Variants in PODN observed in about 807,000 individuals in gnomAD.
PODN encodes podocan.
PODN carries 40 observed loss-of-function variants against 52.7 expected under a neutral mutation model. That is an observed-to-expected ratio of 0.76 (90% CI 0.59 to 0.99). The LOEUF (loss-of-function observed/expected upper bound fraction) is 0.99. PODN is among the 50% of genes least tolerant of loss of function. The pLI is 0.00. For missense variants in PODN, 720 were observed against 815.1 expected, an observed-to-expected ratio of 0.88 and a Z score of 1.42; for synonymous variants, 396 against 377.9, an observed-to-expected ratio of 1.05 and a Z score of -0.56.
intron 1 of PODN, chr1:53,063,442 C>T (rs1643988927): frequency 1.0e-6 from 1 of 985,544 alleles, no homozygotes; most frequent in Non-Finnish European, 1.2e-6. Context: ...CCTGGGTGGT[C>T]CCGTCCCCTA....
At position 53,080,743 on chromosome 1, in the gene PODN, G is replaced by A. The variant is rs568413341; in HGVS notation, c.1528G>A (p.Gly510Arg). 7 of 1,613,934 alleles carry A rather than the reference G, an allele frequency of 4.3e-6. No homozygotes were observed. The highest frequency in any genetic ancestry group is 4.0e-5 in the African/African-American group (3 of 75,040). ...ACCCCTGCAGCTGCTGGACATCGCC[G>A]GGAATCAGCTCACAGAGATCCCCGA... is the stretch of plus-strand genomic sequence containing the variant. ...LAHLQLLDIA[G>R]NQLTEIPEGL... The change falls in exon 9 of 11, where the codon GGG (glycine) becomes AGG (arginine). Residue 510 changes from glycine to arginine, a missense_variant. Physicochemically the swap from Gly to Arg is moderately radical, Grantham distance 125. Transcript: ENST00000312553.
At position 53,078,953 on chromosome 1, in the gene PODN, C is replaced by T. The variant is rs376682761; in HGVS notation, c.1443C>T (p.Tyr481=). 21 of 1,584,526 alleles carry T rather than the reference C, an allele frequency of 1.3e-5. No individual in the cohort carries two copies. The East Asian group carries it at 3.7e-4, about 28-fold the overall frequency. ...LVGMAQLREL[Y]LTSNRLRSRA... ...GCATGGCTCAGCTGCGTGAGCTGTA[C>T]CTCACCAGCAACCGACTGCGCAGCC... is the stretch of plus-strand genomic sequence containing the variant. Residue 481 remains tyrosine (Y), a synonymous_variant, in exon 8 of 11, where the codon TAC becomes TAT. Coordinates refer to ENST00000312553, the MANE Select transcript of PODN (RefSeq NM_153703.5).
intron 1 of PODN, among the ~76,000 whole-genome samples, chr1:53,063,842 C>G (rs941286690): frequency 6.6e-6 from 1 of 152,118 alleles, no homozygotes; most frequent in African/African-American, 2.4e-5. Context: ...TGCTTGGAAC[C>G]CTTAATGAGT....
chr1:53,076,326 G>C (rs1028832537), intron 5 of PODN, among the ~76,000 whole-genome samples: 5 of 152,228 alleles, frequency 3.3e-5, no homozygotes, highest in African/African-American at 1.2e-4. Context: ...CAGGCGGGGT[G>C]GGGGGCTGCC....
At chr1:53,065,679 G>A (rs1470342878) in intron 1 of PODN, among the ~76,000 whole-genome samples, 1 of 152,148 alleles carries the variant, frequency 6.6e-6, no homozygotes, top group Non-Finnish European at 1.5e-5. Context: ...CAGTGATAAG[G>A]ACCACACTCC....
chr1:53,070,293 C>A, intron 2 of PODN, 126 bp downstream of exon 2: 1 of 1,433,324 alleles, frequency 7.0e-7, no homozygotes. Flanking sequence ...CTCTCCACTC[C>A]CAACCACAGG....
At chr1:53,081,012 C>T (rs774196105) in intron 9 of PODN, 136 bp downstream of exon 9, 17 of 1,202,010 alleles carry the variant, frequency 1.4e-5, no homozygotes, top group Non-Finnish European at 1.9e-5. Flanking sequence ...AGGGTGGGGA[C>T]AGTCCTGGCC....
At chr1:53,064,842 T>A (rs1290858006) in intron 1 of PODN, among the ~76,000 whole-genome samples, 1 of 152,196 alleles carries the variant, frequency 6.6e-6, no homozygotes. Context: ...TCATCCAGGC[T>A]TACACAGCAG....
At chr1:53,062,463 C>A (rs1356228328) in intron 1 of PODN, among the ~76,000 whole-genome samples, 155 bp downstream of exon 1, 1 of 151,486 alleles carries the variant, frequency 6.6e-6, no homozygotes, top group East Asian at 1.9e-4. Flanking sequence ...ACCCAGGGCA[C>A]GGCCGGAGAT....
chr1:53,070,021 C>A lies in PODN; in HGVS notation c.166C>A (p.Pro56Thr). Reference sequence around the variant, plus strand: ...GGAGGAGCCGGTGCTGGTACTGAGCCCTGAGGAGCCCGGGCCTGGCCCAGC... The same window carrying A: ...GGAGGAGCCGGTGCTGGTACTGAGCACTGAGGAGCCCGGGCCTGGCCCAGC... ...AEEEPVLVLS[P>T]EEPGPGPAAV... is the part of the protein sequence containing the mutation. Residue 56 changes from proline to threonine, a missense_variant, in exon 2 of 11, where the codon CCT becomes ACT. Transcript: ENST00000312553. 1 of 1,612,896 alleles carries A rather than the reference C, an allele frequency of 6.2e-7. No individual in the cohort carries two copies. The highest frequency in any genetic ancestry group is 8.5e-7 in the Non-Finnish European group (1 of 1,179,924).
chr1:53,073,504 G>A (rs1189529283), intron 3 of PODN: 1 of 152,252 alleles, frequency 6.6e-6, no homozygotes, highest in Non-Finnish European at 1.5e-5. Context: ...GGATGCGCAG[G>A]AGAGAGGCTT....
In PODN at chr1:53,069,927, C is replaced by A. The variant is rs370089694; in HGVS notation, c.72C>A (p.Ala24=). ...PPQLHLGPVL[A]VRAPGFGRSG... is the part of the protein sequence containing the mutation. ...AGCTGCACCTGGGACCTGTGCTTGCCGTGAGGGCCCCAGGATTTGGCCGAA... is the reference window on the plus strand; with the variant it reads ...AGCTGCACCTGGGACCTGTGCTTGCAGTGAGGGCCCCAGGATTTGGCCGAA... Residue 24 remains alanine (A), a synonymous_variant, in exon 2 of 11, where the codon GCC becomes GCA. Coordinates refer to ENST00000312553, the MANE Select transcript of PODN (RefSeq NM_153703.5). 6.3e-7 allele frequency: 1 copy of A among 1,579,894 alleles called. No homozygotes were observed. The highest frequency in any genetic ancestry group is 1.8e-5 in the Admixed American group (1 of 54,608).
intron 2 of PODN, 29 bp downstream of exon 2, chr1:53,070,196 G>C (rs540060841): frequency 6.3e-7 from 1 of 1,597,922 alleles, no homozygotes; most frequent in South Asian, 1.1e-5. Flanking sequence ...CTGTGGTCAC[G>C]GGGGCTGTCC....
At chr1:53,073,078 C>A in intron 3 of PODN, 1 of 224,982 alleles carries the variant, frequency 4.4e-6, no homozygotes. Context: ...AAAGCAAGCT[C>A]CTCCAACAAG....
chr1:53,081,561 G>A (rs1644295243), intron 9 of PODN, among the ~76,000 whole-genome samples: 1 of 152,230 alleles, frequency 6.6e-6, no homozygotes, highest in Non-Finnish European at 1.5e-5. Context: ...ACCCCTGAGT[G>A]TGGCCCTGGC....
At chr1:53,074,961 T>C (rs577417193) in intron 4 of PODN, among the ~76,000 whole-genome samples, 8 of 151,716 alleles carry the variant, frequency 5.3e-5, no homozygotes, top group South Asian at 2.1e-4. Context: ...CTGGAGGAGA[T>C]GGTATTTGAG....
At chr1:53,066,274 C>T (rs892524870) in intron 1 of PODN, among the ~76,000 whole-genome samples, 4 of 152,118 alleles carry the variant, frequency 2.6e-5, no homozygotes, top group African/African-American at 9.7e-5. Flanking sequence ...GATTTACAGG[C>T]ATGAGCCACC....
chr1:53,077,342 T>A lies in PODN; in HGVS notation c.734T>A (p.Leu245His). The change falls in exon 6 of 11, where the codon CTC becomes CAC. Residue 245 changes from leucine to histidine, a missense_variant. Physicochemically the swap from Leu to His is moderately conservative, Grantham distance 99. Transcript: ENST00000312553. ...CCGCCTGCCCTGTACAAGCTGCACCTCAAGGTGGGCAGGGGAGGGGTAAGG... is the reference window on the plus strand; with the variant it reads ...CCGCCTGCCCTGTACAAGCTGCACCACAAGGTGGGCAGGGGAGGGGTAAGG... ...HLPPALYKLHLKNNKLEKIPP... is the reference protein window; with the variant it reads ...HLPPALYKLHHKNNKLEKIPP... 6.2e-7 allele frequency: 1 copy of A among 1,612,930 alleles called. No homozygotes were observed. Among genetic ancestry groups the A allele is most frequent in the Non-Finnish European group, 8.5e-7 (1 of 1,179,894 alleles).
intron 2 of PODN, among the ~76,000 whole-genome samples, chr1:53,070,555 C>A (rs781772236): frequency 6.6e-6 from 1 of 152,248 alleles, no homozygotes; most frequent in Non-Finnish European, 1.5e-5. Context: ...ACAGAATACT[C>A]TGGAGCCTTG....
Sources: gnomAD v4.1 joint callset for allele counts (sites outside exome capture counted in the v4.1 genomes callset) on GRCh38, gnomAD v4.1.1 for gene constraint, MANE v1.5 for transcripts, NCBI Gene and HGNC (gene_info 2026-07-23, HGNC 2026-07-21) for gene names.